SH3PXD2B: variants seen among roughly 807,000 people sequenced by gnomAD.
The protein encoded by SH3PXD2B is SH3 and PX domains 2B.
SH3PXD2B carries 37 observed loss-of-function variants against 73.1 expected under a neutral mutation model. The observed-to-expected ratio is 0.51, with a 90% confidence interval of 0.39 to 0.67. The LOEUF is 0.67. Among genes scored for constraint, SH3PXD2B ranks in the 30% least tolerant of loss-of-function variants. SH3PXD2B has a pLI of 0.00. For synonymous variants in SH3PXD2B, 457 were observed against 480.5 expected (o/e 0.95, Z 0.64); for missense variants, 1,053 against 1,197.8 (o/e 0.88, Z 1.78).
At chr5:172,355,197 C>G (rs75311261) in intron 8 of SH3PXD2B, among the ~76,000 whole-genome samples, 1 of 152,248 alleles carries the variant, frequency 6.6e-6, no homozygotes, top group Non-Finnish European at 1.5e-5. Flanking sequence ...TACCACATGC[C>G]GTCCGCGGCC....
At chr5:172,454,194 G>T in intron 1 of SH3PXD2B, 84 bp downstream of exon 1, 1 of 1,208,020 alleles carries the variant, frequency 8.3e-7, no homozygotes, top group Non-Finnish European at 1.2e-6. Flanking sequence ...AGCGCTGGAG[G>T]CAGAAGTTTT....
In SH3PXD2B at chr5:172,338,437, G is replaced by C. The variant is rs372442552; in HGVS notation, c.2668C>G (p.Gln890Glu). 1.2e-6 allele frequency: 2 copies of C among 1,614,064 alleles called. No individual in the cohort carries two copies. The highest frequency in any genetic ancestry group is 1.3e-5 in the African/African-American group (1 of 74,924). Residue 890 changes from glutamine to glutamate, a missense_variant, in exon 13 of 13, where the codon CAG (glutamine) becomes GAG (glutamate). Physicochemically the swap from Gln to Glu is conservative, Grantham distance 29. Transcript: ENST00000311601. The surrounding 1 kb of genome is among the most constrained non-coding windows in gnomAD (Gnocchi z 5.1). ...EKNSSGWWFC[Q>E]VLSGAPSWEG... is the part of the protein sequence containing the mutation. ...CAGGAAGGGGCTCCGCTCAGGACCTGGCAGAACCACCAGCCACTGCTGTTC... is the reference window on the plus strand; with the variant it reads ...CAGGAAGGGGCTCCGCTCAGGACCTCGCAGAACCACCAGCCACTGCTGTTC...
At chr5:172,439,675 C>T (rs111673821) in intron 1 of SH3PXD2B, among the ~76,000 whole-genome samples, 9,048 of 112,532 alleles carry the variant, frequency 0.08, 911 homozygotes, top group African/African-American at 0.29. Flanking sequence ...TGTGTGCGTG[C>T]GTGCGCGCAC....
intron 2 of SH3PXD2B, among the ~76,000 whole-genome samples, chr5:172,411,077 C>T (rs4407643): frequency 0.41 from 62,720 of 152,112 alleles, 13,875 homozygotes; most frequent in East Asian, 0.67. Context: ...GCTTTCTTTT[C>T]GAAAGCAGAG....
chr5:172,339,405 T>C lies in SH3PXD2B; in HGVS notation c.1700A>G (p.Lys567Arg). Residue 567 changes from lysine (K) to arginine (R), a missense_variant, in exon 13 of 13, where the codon AAA (lysine) becomes AGA (arginine). This residue lies in a region of SH3PXD2B where 587 missense variants were observed against 590.7 expected (regional missense o/e 0.99). Transcript: ENST00000311601. This position sits in a 1 kb window ranked among gnomAD's most constrained non-coding sequence, Gnocchi z 6.1. Reference sequence around the variant, plus strand: ...GCTGTCCCGGGCTGGAGGGATGTGTTTGGCTGGCATCATCGGCAAAATCAC... The same window carrying C: ...GCTGTCCCGGGCTGGAGGGATGTGTCTGGCTGGCATCATCGGCAAAATCAC... ...PGVILPMMPA[K>R]HIPPARDSRR... 1.2e-6 allele frequency: 2 copies of C among 1,614,166 alleles called. No homozygotes were observed. The highest frequency in any genetic ancestry group is 1.7e-6 in the Non-Finnish European group (2 of 1,180,014).
intron 12 of SH3PXD2B, among the ~76,000 whole-genome samples, chr5:172,340,544 G>A (rs962644676): frequency 1.3e-5 from 2 of 152,178 alleles, no homozygotes; most frequent in African/African-American, 4.8e-5. Flanking sequence ...CTTTGGCTGA[G>A]CATCGGATGA....
chr5:172,418,162 G>A (rs1040267573), intron 2 of SH3PXD2B, among the ~76,000 whole-genome samples: 4 of 152,148 alleles, frequency 2.6e-5, no homozygotes, highest in Non-Finnish European at 5.9e-5. Context: ...GTGTGACTTC[G>A]GGCGAACCAC....
At chr5:172,369,458 T>G (rs1240353408) in intron 6 of SH3PXD2B, among the ~76,000 whole-genome samples, 3 of 152,054 alleles carry the variant, frequency 2.0e-5, no homozygotes, top group South Asian at 2.1e-4. Flanking sequence ...AGTGTCTGAA[T>G]GAAGGAAGGA....
intron 9 of SH3PXD2B, 58 bp from the exon 10 acceptor site, chr5:172,350,647 C>G: frequency 6.6e-7 from 1 of 1,507,106 alleles, no homozygotes; most frequent in Admixed American, 2.0e-5. Flanking sequence ...GGGAAGAAGC[C>G]TTGCTCCTAC....
intron 1 of SH3PXD2B, among the ~76,000 whole-genome samples, chr5:172,428,308 G>T (rs1271062805): frequency 6.6e-6 from 1 of 152,204 alleles, no homozygotes; most frequent in Non-Finnish European, 1.5e-5. Flanking sequence ...GAGGACATAT[G>T]GAGGGCAAGG....
chr5:172,378,732 G>A (rs1186298324), intron 5 of SH3PXD2B, among the ~76,000 whole-genome samples: 1 of 152,166 alleles, frequency 6.6e-6, no homozygotes, highest in African/African-American at 2.4e-5. Flanking sequence ...AGAGGAGACT[G>A]AGGCAAGGGG....
intron 5 of SH3PXD2B, among the ~76,000 whole-genome samples, chr5:172,378,781 C>T (rs561181214): frequency 9.0e-4 from 137 of 152,280 alleles, no homozygotes; most frequent in African/African-American, 2.8e-3. Flanking sequence ...TTGAAAGTGG[C>T]TCCTATAGGC....
intron 1 of SH3PXD2B, among the ~76,000 whole-genome samples, chr5:172,450,737 TC>T (rs530280282): frequency 6.9e-4 from 105 of 151,948 alleles, no homozygotes; most frequent in African/African-American, 2.4e-3. Context: ...AACCCACAAA[TC>T]CTACCTGGAG....
intron 5 of SH3PXD2B, among the ~76,000 whole-genome samples, chr5:172,375,133 G>A (rs1757795717): frequency 6.6e-6 from 1 of 152,182 alleles, no homozygotes; most frequent in African/African-American, 2.4e-5. Flanking sequence ...CCTGGGGCAG[G>A]CAGATCACCT....
At chr5:172,385,568 C>T (rs986506548) in intron 4 of SH3PXD2B, among the ~76,000 whole-genome samples, 18 of 152,166 alleles carry the variant, frequency 1.2e-4, no homozygotes, top group Admixed American at 2.0e-4. Context: ...GGCAACAGCC[C>T]GGAGCTGGCC....
At chr5:172,348,654 C>CTATCTTATCTTATCTTAT (rs1440672001) in intron 10 of SH3PXD2B, among the ~76,000 whole-genome samples, 1 of 60,398 alleles carries the variant, frequency 1.7e-5, no homozygotes, top group South Asian at 7.4e-4. Flanking sequence ...ATCTATCTAT[C>CTATCTTATCTTATCTTAT]CTATCTATCT....
intron 1 of SH3PXD2B, among the ~76,000 whole-genome samples, chr5:172,444,261 T>C (rs1405865171): frequency 1.3e-5 from 2 of 152,198 alleles, no homozygotes; most frequent in African/African-American, 4.8e-5. Flanking sequence ...TGCCTGGTGA[T>C]GTCCTAATAC....
At position 172,335,037 on chromosome 5, in the gene SH3PXD2B, C is replaced by T. The variant is rs563912281; in HGVS notation, c.*3332G>A. 13 of 985,448 alleles carry T rather than the reference C, an allele frequency of 1.3e-5. No homozygotes were observed. The highest frequency in any genetic ancestry group is 1.0e-4 in the African/African-American group (6 of 57,336). 61.0% of individuals were successfully genotyped at this position (985,448 alleles called of 1,614,324 possible). ...GGTTTAAGCTGGAGCTCAGCTCTCC[C>T]GCAGTCTCAGCTGGGACGACATACA... is the stretch of plus-strand genomic sequence containing the variant. On this transcript the variant is annotated 3_prime_UTR_variant, in exon 13 of 13. Coordinates refer to ENST00000311601, the MANE Select transcript of SH3PXD2B (RefSeq NM_001017995.3).
Position 172,414,080 on chromosome 5 carries a change from A to G in SH3PXD2B, c.157-7728T>C, listed in dbSNP as rs191663496. 5.3e-3 allele frequency among the ~76,000 whole-genome samples: 810 copies of G among 152,268 alleles called. 5 individuals are homozygous for G. The highest frequency in any genetic ancestry group is 0.018 in the African/African-American group (754 of 41,548). Reference sequence around the variant, plus strand: ...CCCTTCCCTTTGGCCTCTGCAGTGGAGCATGGGGGCTTATGGGCAGATAGT... The same window carrying G: ...CCCTTCCCTTTGGCCTCTGCAGTGGGGCATGGGGGCTTATGGGCAGATAGT... On this transcript the variant is annotated intron_variant, in intron 2 of 12. Transcript: ENST00000311601.
Sources: allele counts gnomAD v4.1 joint callset (sites outside exome capture counted in the v4.1 genomes callset), GRCh38; gene constraint gnomAD v4.1.1; regional missense constraint gnomAD v4.1.1; non-coding constraint Gnocchi (gnomAD v3.1); transcripts MANE v1.5; gene names NCBI Gene and HGNC (gene_info 2026-07-23, HGNC 2026-07-21).